MAPK8: variants seen among roughly 807,000 people sequenced by gnomAD.
The protein encoded by MAPK8 is JUN N-terminal kinase.
MAPK8 carries 13 observed loss-of-function variants against 52.9 expected under a neutral mutation model. That is an observed-to-expected ratio of 0.25 (90% CI 0.16 to 0.39). The LOEUF (loss-of-function observed/expected upper bound fraction) is 0.39, where lower values mean the gene tolerates loss of function less well. Ranked by LOEUF, MAPK8 falls within the 10% of genes least tolerant of loss-of-function variation. MAPK8 has a pLI of 1.00. For synonymous variants in MAPK8, 191 were observed against 169.8 expected (o/e 1.12, Z -0.97); for missense variants, 300 against 519.2 (o/e 0.58, Z 4.10).
intron 1 of MAPK8, among the ~76,000 whole-genome samples, chr10:48,337,871 G>A (rs1263242535): frequency 6.6e-6 from 1 of 152,008 alleles, no homozygotes; most frequent in African/African-American, 2.4e-5. Context: ...ACATCTGGAA[G>A]CACACAGCCT....
Position 48,433,938 on chromosome 10 carries a change from T to G in MAPK8, c.1139-946T>G, listed in dbSNP as rs577430234. On this transcript the variant is annotated intron_variant, in intron 11 of 11. Coordinates refer to ENST00000374189, the MANE Select transcript of MAPK8 (RefSeq NM_001323329.2). ...GTATTCTTGAGAACTTTTAAGTAACTTGCATTATTCCAATTTGGAATGACC... is the reference window on the plus strand; with the variant it reads ...GTATTCTTGAGAACTTTTAAGTAACGTGCATTATTCCAATTTGGAATGACC... Among the ~76,000 whole-genome samples, 12 of 152,318 alleles carry G rather than the reference T, an allele frequency of 7.9e-5. No homozygotes were observed. In the South Asian group the frequency reaches 2.5e-3, roughly 32 times the overall value.
intron 1 of MAPK8, among the ~76,000 whole-genome samples, chr10:48,343,942 T>C (rs776200529): frequency 7.2e-5 from 11 of 152,184 alleles, no homozygotes; most frequent in Non-Finnish European, 1.5e-4. Flanking sequence ...GCTTGCTGGG[T>C]TCATCTGGGG....
chr10:48,327,292 G>A (rs1016573614), intron 1 of MAPK8, among the ~76,000 whole-genome samples: 1 of 152,132 alleles, frequency 6.6e-6, no homozygotes, highest in Non-Finnish European at 1.5e-5. Context: ...TTTTCATCAT[G>A]AGTGGTGTTA....
At chr10:48,307,956 C>T (rs1270159955) in intron 1 of MAPK8, 4 of 152,128 alleles carry the variant, frequency 2.6e-5, no homozygotes, top group African/African-American at 9.7e-5. Flanking sequence ...TAAGTGATGT[C>T]TGTTAAGGAA....
chr10:48,412,960 G>A (rs192743194), intron 5 of MAPK8, among the ~76,000 whole-genome samples: 6 of 151,756 alleles, frequency 4.0e-5, no homozygotes, highest in Admixed American at 6.6e-5. Context: ...TCCTCTCCCC[G>A]CAACCCCCGA....
chr10:48,418,635 GGGAA>G (rs1165540496), intron 5 of MAPK8, among the ~76,000 whole-genome samples: 1 of 152,058 alleles, frequency 6.6e-6, no homozygotes, highest in Non-Finnish European at 1.5e-5. Flanking sequence ...GAAAAATTGG[GGGAA>G]GAAGACAGAA....
rs144474687 is a variant in MAPK8, at chr10:48,307,514, A to G, written c.-50+693A>G. Among the ~76,000 whole-genome samples, 317 of 150,160 alleles carry G rather than the reference A, an allele frequency of 2.1e-3. 1 individual carries two copies. The highest frequency in any genetic ancestry group is 7.1e-3 in the African/African-American group (290 of 40,880). On this transcript the variant is annotated intron_variant, in intron 1 of 11. Transcript: ENST00000374189. ...TCGGTGGTGACCTTTTGACTTTTTC[A>G]CCCCACCCTCCCATCTCTTTGTCTC...
chr10:48,309,894 T>C (rs889832547), intron 1 of MAPK8, among the ~76,000 whole-genome samples: 3 of 152,234 alleles, frequency 2.0e-5, no homozygotes, highest in Non-Finnish European at 4.4e-5. Flanking sequence ...AGGAAGTCAT[T>C]ATAACCACAT....
intron 1 of MAPK8, among the ~76,000 whole-genome samples, chr10:48,373,173 G>A (rs1428343818): frequency 6.6e-6 from 1 of 152,060 alleles, no homozygotes; most frequent in Non-Finnish European, 1.5e-5. Flanking sequence ...ATCCTTTACA[G>A]ACAAGCAACT....
intron 1 of MAPK8, among the ~76,000 whole-genome samples, chr10:48,397,218 AG>A: frequency 6.6e-6 from 1 of 151,712 alleles, no homozygotes; most frequent in Non-Finnish European, 1.5e-5. Context: ...GTGCTATCAT[AG>A]CTCACTGCAG....
intron 1 of MAPK8, among the ~76,000 whole-genome samples, chr10:48,359,237 C>T (rs765199613): frequency 1.8e-4 from 28 of 152,076 alleles, no homozygotes; most frequent in Admixed American, 7.2e-4. Context: ...CTTAAAAATA[C>T]GCATTTTAAG....
At chr10:48,336,232 G>A (rs1844672407) in intron 1 of MAPK8, among the ~76,000 whole-genome samples, 1 of 152,048 alleles carries the variant, frequency 6.6e-6, no homozygotes, top group South Asian at 2.1e-4. Flanking sequence ...ATATATGGCA[G>A]ATATTAAAAG....
At chr10:48,365,218 G>A (rs564390274) in intron 1 of MAPK8, among the ~76,000 whole-genome samples, 2 of 152,236 alleles carry the variant, frequency 1.3e-5, no homozygotes, top group East Asian at 3.9e-4. Context: ...TGTTCTTAAG[G>A]AAGCAGGAGT....
intron 10 of MAPK8, chr10:48,430,305 GCT>G (rs2044095241): frequency 6.6e-6 from 1 of 152,124 alleles, no homozygotes; most frequent in Non-Finnish European, 1.5e-5. Flanking sequence ...TGTTGGTCAG[GCT>G]TGTCTCAAAT....
intron 8 of MAPK8, 25 bp from the exon 9 acceptor site, chr10:48,426,355 T>C: frequency 6.4e-7 from 1 of 1,572,962 alleles, no homozygotes; most frequent in Non-Finnish European, 8.6e-7. Context: ...CAAATATATG[T>C]ACATTAACAC....
chr10:48,328,563 T>C (rs1002767936), intron 1 of MAPK8, among the ~76,000 whole-genome samples: 4 of 152,214 alleles, frequency 2.6e-5, no homozygotes, highest in African/African-American at 7.2e-5. Flanking sequence ...TCCTTTTCTT[T>C]AGGAAGTTGG....
chr10:48,370,772 C>T (rs1848469904), intron 1 of MAPK8, among the ~76,000 whole-genome samples: 1 of 152,092 alleles, frequency 6.6e-6, no homozygotes, highest in South Asian at 2.1e-4. Context: ...TAGATTTTTA[C>T]TGTTTCCCCT....
intron 6 of MAPK8, among the ~76,000 whole-genome samples, chr10:48,421,568 G>A (rs2043355950): frequency 6.6e-6 from 1 of 152,140 alleles, no homozygotes; most frequent in Non-Finnish European, 1.5e-5. Context: ...ACTTTGGGAG[G>A]CCGAGGCTCG....
chr10:48,400,340 C>A (rs1182853919), intron 1 of MAPK8, among the ~76,000 whole-genome samples: 2 of 152,040 alleles, frequency 1.3e-5, no homozygotes, highest in African/African-American at 4.8e-5. Context: ...TTTATTTGTC[C>A]TCGGTTTTAC....
Sources: allele counts gnomAD v4.1 joint callset (sites outside exome capture counted in the v4.1 genomes callset), GRCh38; gene constraint gnomAD v4.1.1; transcripts MANE v1.5; gene names NCBI Gene and HGNC (gene_info 2026-07-23, HGNC 2026-07-21).